VSTM2L: variants seen among roughly 807,000 people sequenced by gnomAD.
VSTM2L encodes the protein V-set and transmembrane domain-containing protein 2-like protein.
Under a neutral mutation model 19.9 loss-of-function variants are expected in VSTM2L, and 9 were observed. The ratio of observed to expected loss-of-function variants is 0.45; its 90% CI spans 0.27 to 0.79. The LOEUF (loss-of-function observed/expected upper bound fraction) is 0.79, where lower values mean the gene tolerates loss of function less well. VSTM2L is among the 30% of genes least tolerant of loss of function. VSTM2L has a pLI of 0.15. For missense variants in VSTM2L, 286 were observed against 295.5 expected, an observed-to-expected ratio of 0.97 and a Z score of 0.24; for synonymous variants, 127 against 133.8, an observed-to-expected ratio of 0.95 and a Z score of 0.35.
chr20:37,914,841 C>T (rs1476206648), intron 1 of VSTM2L, among the ~76,000 whole-genome samples: 1 of 152,182 alleles, frequency 6.6e-6, no homozygotes, highest in Non-Finnish European at 1.5e-5. Flanking sequence ...TTCCCCCAGC[C>T]CGGCATTTTA....
At chr20:37,905,530 A>G (rs910763) in intron 1 of VSTM2L, among the ~76,000 whole-genome samples, 41,827 of 152,100 alleles carry the variant, frequency 0.27, 8,050 homozygotes, top group African/African-American at 0.55. Flanking sequence ...AAGGCCCAGG[A>G]CAGGGGCTAG....
chr20:37,919,586 C>G (rs1049036748), intron 1 of VSTM2L, among the ~76,000 whole-genome samples: 1 of 152,238 alleles, frequency 6.6e-6, no homozygotes, highest in African/African-American at 2.4e-5. Flanking sequence ...GCCCTTTCCC[C>G]GGGAGAGCTC....
intron 3 of VSTM2L, among the ~76,000 whole-genome samples, chr20:37,941,986 G>T (rs760413596): frequency 2.0e-5 from 3 of 151,338 alleles, no homozygotes; most frequent in Non-Finnish European, 4.4e-5. Flanking sequence ...CCATCAGCCA[G>T]CTTCCCCAGT....
At position 37,945,214 on chromosome 20, in the gene VSTM2L, A is replaced by G. The variant is rs1600579143; in HGVS notation, c.*961A>G. On this transcript the variant is annotated 3_prime_UTR_variant, in exon 4 of 4. Coordinates refer to ENST00000373461, the MANE Select transcript of VSTM2L (RefSeq NM_080607.3). ...CCAATTCTCCTCGGAATTGGCTGGCACCTCTGGCTGCCGCAGCTCAGTGAT... is the reference window on the plus strand; with the variant it reads ...CCAATTCTCCTCGGAATTGGCTGGCGCCTCTGGCTGCCGCAGCTCAGTGAT... The G allele has an allele frequency of 1.0e-6, 1 of 985,340 alleles. No homozygotes were observed. The highest frequency in any genetic ancestry group is 1.2e-6 in the Non-Finnish European group (1 of 829,960). The allele number at this position is 985,340 out of a possible 1,614,324, so 61.0% of individuals were successfully genotyped here.
intron 1 of VSTM2L, among the ~76,000 whole-genome samples, chr20:37,930,184 A>T (rs1249552731): frequency 1.3e-5 from 2 of 152,232 alleles, no homozygotes. Flanking sequence ...AGGGCTGCAC[A>T]TGGAAACCCC....
chr20:37,913,910 G>A (rs980675266), intron 1 of VSTM2L, among the ~76,000 whole-genome samples: 1 of 152,228 alleles, frequency 6.6e-6, no homozygotes, highest in African/African-American at 2.4e-5. Flanking sequence ...CCAGGTTGGC[G>A]TCGGAGTGGG....
intron 1 of VSTM2L, among the ~76,000 whole-genome samples, chr20:37,927,057 C>T (rs1046821381): frequency 6.6e-4 from 101 of 152,344 alleles, no homozygotes; most frequent in Middle Eastern, 3.4e-3. Context: ...CTCCTCCTCC[C>T]GGGTTCAAGT....
At chr20:37,914,430 A>G (rs1190056019) in intron 1 of VSTM2L, among the ~76,000 whole-genome samples, 2 of 1,116 alleles carry the variant, frequency 1.8e-3, no homozygotes, top group Non-Finnish European at 3.7e-3. Flanking sequence ...ATATGTGTGT[A>G]TTGTGTGTAT....
intron 3 of VSTM2L, among the ~76,000 whole-genome samples, chr20:37,943,040 C>T (rs891527893): frequency 1.3e-5 from 2 of 152,206 alleles, no homozygotes; most frequent in Non-Finnish European, 2.9e-5. Context: ...TCTCAGCTCA[C>T]TGCAACCTCC....
chr20:37,920,351 G>A (rs1229263123), intron 1 of VSTM2L, among the ~76,000 whole-genome samples: 4 of 152,242 alleles, frequency 2.6e-5, no homozygotes, highest in Non-Finnish European at 5.9e-5. Context: ...CTGTTGCATC[G>A]TGGGCTCCAA....
rs1056400638 is a variant in VSTM2L at position 37,944,371 on chromosome 20, G to A, written c.*118G>A. On this transcript the variant is annotated 3_prime_UTR_variant, in exon 4 of 4. Coordinates refer to ENST00000373461, the MANE Select transcript of VSTM2L (RefSeq NM_080607.3). ...CCGCGCCCCATCCCCGAGGCCGCCT[G>A]TGGCCACCATGTCGGCCCTCTTTCC... 2 of 1,282,404 alleles carry A rather than the reference G, an allele frequency of 1.6e-6. No homozygotes were observed. Among genetic ancestry groups the A allele is most frequent in the African/African-American group, 1.5e-5 (1 of 65,410 alleles). 79.4% of individuals were successfully genotyped at this position (1,282,404 alleles called of 1,614,324 possible).
intron 2 of VSTM2L, 73 bp downstream of exon 2, chr20:37,931,877 C>A: frequency 6.7e-7 from 1 of 1,484,378 alleles, no homozygotes; most frequent in Admixed American, 2.0e-5. Context: ...ATTTCTCTGC[C>A]CCTCTTCTCC....
In VSTM2L at chr20:37,903,218, G is replaced by A. The variant is rs916961650; in HGVS notation, c.-133G>A. On this transcript the variant is annotated 5_prime_UTR_variant, in exon 1 of 4. Transcript: ENST00000373461. ...GAGGGCTGGGAGCTGGGCCGGGTCCGGGGACAGCGGGCGAGGGGCAGCTGC... is the reference window on the plus strand; with the variant it reads ...GAGGGCTGGGAGCTGGGCCGGGTCCAGGGACAGCGGGCGAGGGGCAGCTGC... 309 of 1,148,894 alleles carry A rather than the reference G, an allele frequency of 2.7e-4. 3 individuals carry two copies. Among genetic ancestry groups the A allele is most frequent in the Non-Finnish European group, 4.6e-5 (42 of 915,354 alleles). 71.2% of individuals were successfully genotyped at this position (1,148,894 alleles called of 1,614,324 possible).
At chr20:37,921,462 GC>G (rs1226441365) in intron 1 of VSTM2L, among the ~76,000 whole-genome samples, 3 of 152,178 alleles carry the variant, frequency 2.0e-5, no homozygotes, top group Non-Finnish European at 4.4e-5. Flanking sequence ...TCCCCTGCCT[GC>G]CACCAGAGCT....
intron 1 of VSTM2L, among the ~76,000 whole-genome samples, chr20:37,914,648 C>A (rs1156931550): frequency 1.3e-5 from 2 of 152,048 alleles, no homozygotes; most frequent in Non-Finnish European, 2.9e-5. Flanking sequence ...CTGTGCTCCA[C>A]GGACCCCTTA....
Position 37,944,235 on chromosome 20 carries a change from G to GGAGGC in VSTM2L, c.598_602dup (p.Cys202ArgfsTer23), listed in dbSNP as rs1490327881. On this transcript the variant is annotated frameshift_variant, in exon 4 of 4. Transcript: ENST00000373461. LOFTEE classifies it high-confidence loss of function. ...AGCTGAGGAAGCGCTCGGTGGACCA[G>GGAGGC]GAGGCCTGCAGCCTCTAGACTGATG... 7.1e-7 allele frequency: 1 copy of GGAGGC among 1,412,258 alleles called. No homozygotes were observed. Among genetic ancestry groups the GGAGGC allele is most frequent in the Non-Finnish European group, 9.4e-7 (1 of 1,065,352 alleles). 87.5% of individuals were successfully genotyped at this position (1,412,258 alleles called of 1,614,324 possible).
intron 1 of VSTM2L, among the ~76,000 whole-genome samples, chr20:37,926,261 C>T (rs1017718436): frequency 6.6e-6 from 1 of 152,188 alleles, no homozygotes. Flanking sequence ...GAGGTTTCAC[C>T]ATGTTGGTCA....
At chr20:37,910,489 A>G (rs887280618) in intron 1 of VSTM2L, among the ~76,000 whole-genome samples, 11 of 152,212 alleles carry the variant, frequency 7.2e-5, no homozygotes, top group Middle Eastern at 3.2e-3. Flanking sequence ...ACAAATATCA[A>G]TTGGGCACCT....
At chr20:37,917,175 G>C (rs769499300) in intron 1 of VSTM2L, among the ~76,000 whole-genome samples, 1 of 152,080 alleles carries the variant, frequency 6.6e-6, no homozygotes, top group Non-Finnish European at 1.5e-5. Context: ...TTAGTCAGGC[G>C]TGGTGGAGGC....
Sources: allele counts gnomAD v4.1 joint callset (sites outside exome capture counted in the v4.1 genomes callset), GRCh38; gene constraint gnomAD v4.1.1; transcripts MANE v1.5; gene names NCBI Gene and HGNC (gene_info 2026-07-23, HGNC 2026-07-21).